Variants in KLF13 observed in about 807,000 individuals in gnomAD.
The protein encoded by KLF13 is Krueppel-like factor 13.
In KLF13, 8 loss-of-function variants were observed where a neutral mutation model predicts 16.7. That is an observed-to-expected ratio of 0.48 (90% CI 0.28 to 0.87). KLF13 has a LOEUF of 0.87. KLF13 is among the 40% of genes least tolerant of loss of function. The probability of loss-of-function intolerance (pLI) is 0.10; values close to 1 mark genes in which losing one functional copy is unlikely to be tolerated. For missense variants in KLF13, 447 were observed against 452.2 expected (o/e 0.99, Z 0.10); for synonymous variants, 245 against 208.4 (o/e 1.18, Z -1.51).
At chr15:31,390,238 C>A (rs2039844234), upstream of KLF13, among the ~76,000 whole-genome samples, 1 of 152,206 alleles carries the variant, frequency 6.6e-6, no homozygotes, top group African/African-American at 2.4e-5. Flanking sequence ...TCTGGTGGAT[C>A]ACTCAAGAGT....
intron 1 of KLF13, among the ~76,000 whole-genome samples, chr15:31,387,737 A>G (rs2039809947): frequency 1.3e-5 from 2 of 152,226 alleles, no homozygotes; most frequent in South Asian, 4.1e-4. Context: ...CCTGCATGTT[A>G]TCAGGGCTTG....
chr15:31,372,573 C>G lies in KLF13; in HGVS notation c.*274C>G. On this transcript the variant is annotated 3_prime_UTR_variant, in exon 2 of 2. Coordinates refer to ENST00000307145, the MANE Select transcript of KLF13 (RefSeq NM_015995.4). ...CAGGGATGGACACGTTTCACGAGGTCAGTGAGGACACCCCTTCCTGCCGCC... is the reference window on the plus strand; with the variant it reads ...CAGGGATGGACACGTTTCACGAGGTGAGTGAGGACACCCCTTCCTGCCGCC... 3 of 469,932 alleles carry G rather than the reference C, an allele frequency of 6.4e-6. No individual in the cohort carries two copies. Among genetic ancestry groups the G allele is most frequent in the Non-Finnish European group, 7.4e-6 (2 of 269,342 alleles). 29.1% of individuals were successfully genotyped at this position (469,932 alleles called of 1,614,324 possible).
intron 1 of KLF13, among the ~76,000 whole-genome samples, chr15:31,426,098 A>G (rs1242531979): frequency 4.6e-5 from 7 of 152,172 alleles, no homozygotes; most frequent in Admixed American, 1.3e-4. Context: ...TCCATCTGAA[A>G]CCACCTCAGC....
intron 1 of KLF13, among the ~76,000 whole-genome samples, chr15:31,426,241 T>C (rs929267930): frequency 1.3e-5 from 2 of 152,242 alleles, no homozygotes; most frequent in African/African-American, 4.8e-5. Context: ...CACTGCCTGT[T>C]ACCTAGTTCC....
chr15:31,327,193 C>A lies in KLF13; in HGVS notation c.-20C>A. On this transcript the variant is annotated 5_prime_UTR_variant, in exon 1 of 2. Coordinates refer to ENST00000307145, the MANE Select transcript of KLF13 (RefSeq NM_015995.4). ...TGACGACTCGCAGCAAGAGCACCGC[C>A]GCCGGCCCCAGCCCGCAGCATGGCA... 7.6e-7 allele frequency: 1 copy of A among 1,315,862 alleles called. No individual in the cohort carries two copies. Among genetic ancestry groups the A allele is most frequent in the Non-Finnish European group, 9.7e-7 (1 of 1,034,860 alleles). The allele number at this position is 1,315,862 out of a possible 1,614,324, so 81.5% of individuals were successfully genotyped here. A position where few individuals can be genotyped will look rare whatever the true frequency, so the allele number is the denominator to read the frequency against.
chr15:31,395,084 A>T (rs931233983), intron 2 of KLF13, among the ~76,000 whole-genome samples: 10 of 152,100 alleles, frequency 6.6e-5, no homozygotes, highest in Non-Finnish European at 1.5e-4. Flanking sequence ...GATTCAAGCG[A>T]TTCTCCTGTC....
At chr15:31,428,681 G>A (rs889419478) in intron 1 of KLF13, among the ~76,000 whole-genome samples, 8 of 151,318 alleles carry the variant, frequency 5.3e-5, no homozygotes, top group Non-Finnish European at 7.4e-5. Flanking sequence ...GGTGGCGGGC[G>A]CCTGTAGTCC....
rs2039626135 is a variant in KLF13, at chr15:31,375,373, C to T, written c.*3074C>T. The T allele has an allele frequency of 6.6e-6, 1 of 152,232 alleles. No individual in the cohort carries two copies. The highest frequency in any genetic ancestry group is 2.4e-5 in the African/African-American group (1 of 41,440). 9.4% of individuals were successfully genotyped at this position (152,232 alleles called of 1,614,324 possible). On this transcript the variant is annotated 3_prime_UTR_variant, in exon 2 of 2. Coordinates refer to ENST00000307145, the MANE Select transcript of KLF13 (RefSeq NM_015995.4). ...TTCTTCAAACATGCAGAATGTTTTC[C>T]CAGACTGCGTCTATTTCAGGGTCTT...
rs1305473138 is a variant in KLF13, at chr15:31,327,667, G to A, written c.455G>A (p.Arg152Gln). ...SGEPGLRQRV[R>Q]RGRSRADLES... ...GAGCCCGGCCTCAGACAAAGGGTCC[G>A]GCGGGGCCGAAGTCGCGCCGACCTC... The change falls in exon 1 of 2, where the codon CGG becomes CAG. Residue 152 changes from arginine to glutamine, a missense_variant. Arg to Gln is a conservative substitution (Grantham distance 43). Transcript: ENST00000307145. 2 of 1,505,198 alleles carry A rather than the reference G, an allele frequency of 1.3e-6. No homozygotes were observed. The highest frequency in any genetic ancestry group is 1.5e-5 in the African/African-American group (1 of 68,712). 93.2% of individuals were successfully genotyped at this position (1,505,198 alleles called of 1,614,324 possible).
intron 1 of KLF13, among the ~76,000 whole-genome samples, chr15:31,359,709 G>A (rs2039351942): frequency 6.6e-6 from 1 of 152,190 alleles, no homozygotes; most frequent in African/African-American, 2.4e-5. Context: ...TGAGGGTGGG[G>A]CTCAGCCACT....
chr15:31,372,704 T>C lies in KLF13; in HGVS notation c.*405T>C, dbSNP rs894800910. On this transcript the variant is annotated 3_prime_UTR_variant, in exon 2 of 2. Transcript: ENST00000307145. Reference sequence around the variant, plus strand: ...TGGTGGAGCTCAGCGTCTGGCTGGCTGGCCAGCCTGTGGGTCTGTTGGGAG... The same window carrying C: ...TGGTGGAGCTCAGCGTCTGGCTGGCCGGCCAGCCTGTGGGTCTGTTGGGAG... The C allele has an allele frequency of 2.9e-5, 5 of 173,532 alleles. No homozygotes were observed. Among genetic ancestry groups the C allele is most frequent in the Non-Finnish European group, 4.8e-5 (4 of 82,536 alleles). 10.7% of individuals were successfully genotyped at this position (173,532 alleles called of 1,614,324 possible).
intron 1 of KLF13, among the ~76,000 whole-genome samples, chr15:31,348,883 C>T (rs776174415): frequency 6.6e-6 from 1 of 152,182 alleles, no homozygotes; most frequent in African/African-American, 2.4e-5. Flanking sequence ...GGTTCGTAGA[C>T]AGCTGTCTTC....
intron 1 of KLF13, among the ~76,000 whole-genome samples, chr15:31,383,762 C>CCTG (rs1353090915): frequency 6.6e-6 from 1 of 151,936 alleles, no homozygotes; most frequent in Non-Finnish European, 1.5e-5. Context: ...ATTAGCTGGG[C>CCTG]GTGGTGGTGG....
At chr15:31,331,882 T>C (rs1277807095) in intron 1 of KLF13, among the ~76,000 whole-genome samples, 1 of 152,262 alleles carries the variant, frequency 6.6e-6, no homozygotes, top group African/African-American at 2.4e-5. Flanking sequence ...TGAAACATAC[T>C]TAAATAGGAT....
At chr15:31,335,423 G>T (rs918813993) in intron 1 of KLF13, among the ~76,000 whole-genome samples, 1 of 71,592 alleles carries the variant, frequency 1.4e-5, no homozygotes, top group Non-Finnish European at 4.1e-5. Context: ...GTTGGGCATT[G>T]TGTGTGTGTG....
Position 31,327,624 on chromosome 15 carries a change from G to A in KLF13, c.412G>A (p.Gly138Arg), listed in dbSNP as rs1412809460. Residue 138 changes from glycine (G) to arginine (R), a missense_variant, in exon 1 of 2, where the codon GGG (glycine) becomes AGG (arginine). Gly to Arg is a moderately radical substitution (Grantham distance 125). Transcript: ENST00000307145. ...GGGGCTGGAGCCCGAGCGGGAGCCG[G>A]GGCCCGCGGGGAGCGGCGAGCCCGG... ...EAGLEPEREP[G>R]PAGSGEPGLR... 13 of 1,355,632 alleles carry A rather than the reference G, an allele frequency of 9.6e-6. No homozygotes were observed. In the African/African-American group the frequency reaches 1.1e-4, roughly 11 times the overall value. 84.0% of individuals were successfully genotyped at this position (1,355,632 alleles called of 1,614,324 possible).
At chr15:31,382,480 C>T (rs1410413971), downstream of KLF13, among the ~76,000 whole-genome samples, 1 of 152,184 alleles carries the variant, frequency 6.6e-6, no homozygotes, top group Non-Finnish European at 1.5e-5. Flanking sequence ...AGGCTTCTAA[C>T]CTGTCTAGGG....
intron 1 of KLF13, among the ~76,000 whole-genome samples, chr15:31,336,391 G>T (rs1421204287): frequency 6.6e-6 from 1 of 152,146 alleles, no homozygotes; most frequent in African/African-American, 2.4e-5. Flanking sequence ...CTGGCATGTG[G>T]GAGGTGGTCA....
intron 1 of KLF13, among the ~76,000 whole-genome samples, chr15:31,350,904 C>G (rs1295545069): frequency 6.6e-6 from 1 of 152,184 alleles, no homozygotes; most frequent in Non-Finnish European, 1.5e-5. Flanking sequence ...AAGTAAGGAG[C>G]CTAATGTTTA....
Sources: allele counts gnomAD v4.1 joint callset (sites outside exome capture counted in the v4.1 genomes callset), GRCh38; gene constraint gnomAD v4.1.1; transcripts MANE v1.5; gene names NCBI Gene and HGNC (gene_info 2026-07-23, HGNC 2026-07-21).